The following CACNA2D1 variants were observed in gnomAD, a reference collection of about 807,000 sequenced individuals.
CACNA2D1 encodes calcium voltage-gated channel auxiliary subunit alpha2delta 1, also known as voltage-dependent calcium channel subunit alpha-2/delta-1.
A neutral mutation model predicts 171.5 loss-of-function variants in CACNA2D1; 53 were observed. The ratio of observed to expected loss-of-function variants is 0.31; its 90% CI spans 0.25 to 0.39. The LOEUF (loss-of-function observed/expected upper bound fraction) is 0.39, where lower values mean the gene tolerates loss of function less well. CACNA2D1 is among the 10% of genes least tolerant of loss of function. CACNA2D1 has a pLI of 1.00. For missense variants in CACNA2D1, 903 were observed against 1,299.8 expected, an observed-to-expected ratio of 0.69 and a Z score of 4.69; for synonymous variants, 442 against 443.1, an observed-to-expected ratio of 1.00 and a Z score of 0.03.
At chr7:82,264,825 T>G (rs1423926747) in intron 3 of CACNA2D1, among the ~76,000 whole-genome samples, 1 of 152,188 alleles carries the variant, frequency 6.6e-6, no homozygotes, top group African/African-American at 2.4e-5. Flanking sequence ...TTTCTCTATA[T>G]CTATCATATT....
At position 81,950,151 on chromosome 7, in the gene CACNA2D1, T is replaced by C. The variant is rs1792352642; in HGVS notation, c.*241A>G. On this transcript the variant is annotated 3_prime_UTR_variant, in exon 39 of 39. Transcript: ENST00000356860. ...CAAATTTTCCAATAGAGGACACGTA[T>C]AGGATTTTGCTTTGATGTTACACAT... The C allele has an allele frequency of 5.0e-6, 3 of 602,672 alleles. No homozygotes were observed. Among genetic ancestry groups the C allele is most frequent in the Admixed American group, 3.1e-5 (1 of 32,434 alleles). 37.3% of individuals were successfully genotyped at this position (602,672 alleles called of 1,614,324 possible).
intron 5 of CACNA2D1, among the ~76,000 whole-genome samples, chr7:82,135,979 T>C (rs911403126): frequency 6.6e-6 from 1 of 152,184 alleles, no homozygotes; most frequent in Non-Finnish European, 1.5e-5. Flanking sequence ...AAGTGTAACC[T>C]TTATTAGATA....
intron 4 of CACNA2D1, among the ~76,000 whole-genome samples, chr7:82,146,384 AT>A (rs898171746): frequency 6.1e-5 from 8 of 130,658 alleles, no homozygotes; most frequent in African/African-American, 2.1e-4. Flanking sequence ...ACATATTTAT[AT>A]TTATATATAT....
chr7:82,219,511 T>C (rs1339694776), intron 3 of CACNA2D1, among the ~76,000 whole-genome samples: 1 of 152,088 alleles, frequency 6.6e-6, no homozygotes, highest in Non-Finnish European at 1.5e-5. Flanking sequence ...TAAAAGGCTA[T>C]CCATTATCTA....
chr7:82,283,928 A>G (rs1211668276), intron 3 of CACNA2D1, among the ~76,000 whole-genome samples: 1 of 152,178 alleles, frequency 6.6e-6, no homozygotes, highest in Non-Finnish European at 1.5e-5. Context: ...ATAGATTAAG[A>G]GGTTAAACAT....
intron 1 of CACNA2D1, among the ~76,000 whole-genome samples, chr7:82,408,536 G>T (rs1170020063): frequency 2.0e-5 from 3 of 152,136 alleles, no homozygotes; most frequent in Non-Finnish European, 4.4e-5. Context: ...CCTGGGGGAA[G>T]TTGTAAACAT....
chr7:82,183,301 C>T (rs912407502), intron 3 of CACNA2D1, among the ~76,000 whole-genome samples: 2 of 152,048 alleles, frequency 1.3e-5, no homozygotes, highest in African/African-American at 2.4e-5. Context: ...ACATTGCCCC[C>T]AAACTGGTCT....
At chr7:82,049,517 CTA>C (rs1391195368) in intron 10 of CACNA2D1, among the ~76,000 whole-genome samples, 1 of 152,156 alleles carries the variant, frequency 6.6e-6, no homozygotes, top group African/African-American at 2.4e-5. Context: ...GCTGAACTTG[CTA>C]AAGGTACCTC....
intron 8 of CACNA2D1, among the ~76,000 whole-genome samples, chr7:82,065,598 A>G (rs1807503887): frequency 6.6e-6 from 1 of 152,228 alleles, no homozygotes; most frequent in Admixed American, 6.5e-5. Context: ...AAGGACATCT[A>G]AAAGCCTCTA....
At chr7:82,000,236 T>C (rs1236657463) in intron 18 of CACNA2D1, among the ~76,000 whole-genome samples, 1 of 151,982 alleles carries the variant, frequency 6.6e-6, no homozygotes, top group Non-Finnish European at 1.5e-5. Flanking sequence ...TCCAGCCTAG[T>C]GACAGAGTGA....
At chr7:82,138,161 C>A (rs1357501006) in intron 4 of CACNA2D1, among the ~76,000 whole-genome samples, 1 of 151,926 alleles carries the variant, frequency 6.6e-6, no homozygotes, top group Non-Finnish European at 1.5e-5. Context: ...AGTTTATTTA[C>A]CACAGAAATC....
At chr7:82,405,979 T>C (rs1433437130) in intron 1 of CACNA2D1, among the ~76,000 whole-genome samples, 1 of 152,090 alleles carries the variant, frequency 6.6e-6, no homozygotes, top group Non-Finnish European at 1.5e-5. Context: ...CATGTTGGTG[T>C]GCTGCACCCA....
chr7:82,199,489 T>C (rs1799191971), intron 3 of CACNA2D1, among the ~76,000 whole-genome samples: 1 of 152,274 alleles, frequency 6.6e-6, no homozygotes, highest in African/African-American at 2.4e-5. Context: ...TAAACTATGC[T>C]GGCTTTGTGG....
intron 2 of CACNA2D1, among the ~76,000 whole-genome samples, chr7:82,338,683 G>A (rs1024500485): frequency 6.6e-6 from 1 of 152,146 alleles, no homozygotes; most frequent in African/African-American, 2.4e-5. Flanking sequence ...CATCATAAAA[G>A]AGCAAACCAA....
chr7:82,154,616 G>A (rs764043313), intron 4 of CACNA2D1, among the ~76,000 whole-genome samples: 6 of 152,016 alleles, frequency 3.9e-5, no homozygotes, highest in Non-Finnish European at 8.8e-5. Flanking sequence ...GATATGGTAT[G>A]CACACAAAAA....
chr7:82,099,048 T>C (rs1162853301), intron 6 of CACNA2D1, among the ~76,000 whole-genome samples: 1 of 152,216 alleles, frequency 6.6e-6, no homozygotes, highest in Non-Finnish European at 1.5e-5. Flanking sequence ...TTTACCATTC[T>C]TCCCAAAACG....
chr7:82,171,951 G>GT (rs1796063916), intron 3 of CACNA2D1, among the ~76,000 whole-genome samples: 1 of 151,858 alleles, frequency 6.6e-6, no homozygotes, highest in African/African-American at 2.4e-5. Context: ...TTCTAGACCA[G>GT]TTTTTATATT....
intron 3 of CACNA2D1, among the ~76,000 whole-genome samples, chr7:82,175,888 A>G (rs2129159248): frequency 6.6e-6 from 1 of 152,104 alleles, no homozygotes; most frequent in Admixed American, 6.6e-5. Context: ...TGTCAGAACT[A>G]TAATCACCAA....
chr7:82,307,923 G>T (rs1016654047), intron 3 of CACNA2D1, among the ~76,000 whole-genome samples: 3 of 152,082 alleles, frequency 2.0e-5, no homozygotes, highest in Non-Finnish European at 4.4e-5. Flanking sequence ...AGAGCTCTAT[G>T]GTCATCAGCT....
Sources: gnomAD v4.1 joint callset for allele counts (sites outside exome capture counted in the v4.1 genomes callset) on GRCh38, gnomAD v4.1.1 for gene constraint, MANE v1.5 for transcripts, NCBI Gene and HGNC (gene_info 2026-07-23, HGNC 2026-07-21) for gene names.